SDR42E1: variants seen among roughly 807,000 people sequenced by gnomAD.
The protein encoded by SDR42E1 is short-chain dehydrogenase/reductase family 42E member 1.
In SDR42E1, 5 loss-of-function variants were observed where a neutral mutation model predicts 2.6. That is an observed-to-expected ratio of 1.94 (90% CI 1.01 to 4.08). The LOEUF is 4.08. SDR42E1 is among the 30% of genes most tolerant of loss of function. The pLI, the probability that SDR42E1 is intolerant of heterozygous loss-of-function variation, is 0.00. For missense variants in SDR42E1, 596 were observed against 478.6 expected (o/e 1.25, Z -2.29); for synonymous variants, 231 against 188.3 (o/e 1.23, Z -1.86).
At chr16:82,002,101 T>C (rs147180886) in intron 1 of SDR42E1, among the ~76,000 whole-genome samples, 7 of 152,146 alleles carry the variant, frequency 4.6e-5, no homozygotes, top group African/African-American at 1.7e-4. Context: ...CACCCACGAC[T>C]GCAGCCACTG....
chr16:82,006,733 G>C (rs12444226), intron 1 of SDR42E1, among the ~76,000 whole-genome samples: 4,784 of 152,286 alleles, frequency 0.031, 109 homozygotes, highest in Middle Eastern at 0.051. Flanking sequence ...GATGGAGGTT[G>C]CAGTGAGTGC....
In SDR42E1 at chr16:81,995,917, C is replaced by T. The variant is rs1006609174; in HGVS notation, c.*3194G>A. The T allele has an allele frequency of 6.6e-6, 1 of 152,146 alleles. No individual in the cohort carries two copies. Among genetic ancestry groups the T allele is most frequent in the Non-Finnish European group, 1.5e-5 (1 of 68,042 alleles). 9.4% of individuals were successfully genotyped at this position (152,146 alleles called of 1,614,324 possible). On this transcript the variant is annotated 3_prime_UTR_variant, in exon 3 of 3. Transcript: ENST00000328945. ...TGTAGCATCATTTGTAGCAGGAGCA[C>T]CAATCTTAAATTGCTGGGATCAGTG...
rs1912522203 is a variant in SDR42E1, at chr16:81,995,497, A to C, written c.*3614T>G. 6.6e-6 allele frequency: 1 copy of C among 152,234 alleles called. No individual in the cohort carries two copies. Among genetic ancestry groups the C allele is most frequent in the African/African-American group, 2.4e-5 (1 of 41,458 alleles). 9.4% of individuals were successfully genotyped at this position (152,234 alleles called of 1,614,324 possible). ...GGAGGGAGCACAAATCACTTGGCCC[A>C]CATTCCTTCCCCATTCCCTGACCTC... On this transcript the variant is annotated 3_prime_UTR_variant, in exon 3 of 3. Coordinates refer to ENST00000328945, the MANE Select transcript of SDR42E1 (RefSeq NM_145168.3).
chr16:82,008,546 C>T (rs7196477), intron 1 of SDR42E1, among the ~76,000 whole-genome samples: 3,656 of 152,220 alleles, frequency 0.024, 144 homozygotes, highest in African/African-American at 0.081. Flanking sequence ...AAAAGTGACT[C>T]GTTATGTTTT....
At chr16:82,008,214 A>C (rs1171217961) in intron 1 of SDR42E1, among the ~76,000 whole-genome samples, 1 of 152,224 alleles carries the variant, frequency 6.6e-6, no homozygotes, top group Non-Finnish European at 1.5e-5. Flanking sequence ...TGAGTCCATT[A>C]AACTACTTTC....
chr16:82,001,961 TACACACACACAC>T (rs375862551), intron 1 of SDR42E1, among the ~76,000 whole-genome samples: 10 of 137,286 alleles, frequency 7.3e-5, no homozygotes, highest in South Asian at 2.3e-4. Flanking sequence ...TGGGTGCGTA[TACACACACACAC>T]ACACACACAC....
In SDR42E1 at chr16:81,995,704, TG is replaced by T. The variant is rs766308835; in HGVS notation, c.*3406del. The T allele has an allele frequency of 2.6e-5, 4 of 152,198 alleles. No individual in the cohort carries two copies. Among genetic ancestry groups the T allele is most frequent in the Non-Finnish European group, 4.4e-5 (3 of 68,042 alleles). 9.4% of individuals were successfully genotyped at this position (152,198 alleles called of 1,614,324 possible). Reference sequence around the variant, plus strand: ...GAAAAGAGTGTTCATCCATAGCAGATGGGAAAACAGCATTCATTGGACAAAT... The same window carrying T: ...GAAAAGAGTGTTCATCCATAGCAGATGGAAAACAGCATTCATTGGACAAAT... On this transcript the variant is annotated 3_prime_UTR_variant, in exon 3 of 3. Transcript: ENST00000328945.
intron 1 of SDR42E1, among the ~76,000 whole-genome samples, chr16:82,003,865 T>A (rs995615182): frequency 1.3e-5 from 2 of 152,252 alleles, no homozygotes; most frequent in Admixed American, 1.3e-4. Flanking sequence ...AGATGCTCAA[T>A]AAATATTTGT....
chr16:82,006,363 C>G (rs1490418854), intron 1 of SDR42E1, among the ~76,000 whole-genome samples: 1 of 152,170 alleles, frequency 6.6e-6, no homozygotes, highest in Non-Finnish European at 1.5e-5. Flanking sequence ...CGAAATGGTG[C>G]TGTTCAAATT....
chr16:82,007,267 C>A (rs1912970707), intron 1 of SDR42E1, among the ~76,000 whole-genome samples: 1 of 152,214 alleles, frequency 6.6e-6, no homozygotes, highest in African/African-American at 2.4e-5. Flanking sequence ...CTTGTACTTT[C>A]TTCTTCACTA....
intron 1 of SDR42E1, 28 bp from the exon 2 acceptor site, chr16:82,000,912 A>C: frequency 6.9e-7 from 1 of 1,459,386 alleles, no homozygotes; most frequent in Non-Finnish European, 9.5e-7. Context: ...CATCACTGTT[A>C]CTGATCCAAA....
At chr16:82,001,546 G>GC (rs1237641992) in intron 1 of SDR42E1, among the ~76,000 whole-genome samples, 2 of 151,774 alleles carry the variant, frequency 1.3e-5, no homozygotes, top group African/African-American at 4.8e-5. Flanking sequence ...AGGCTCCAAG[G>GC]CCCCCTTCTC....
At chr16:82,004,898 C>G (rs773508213) in intron 1 of SDR42E1, among the ~76,000 whole-genome samples, 1 of 152,166 alleles carries the variant, frequency 6.6e-6, no homozygotes. Context: ...GAGGTGGCAG[C>G]GTGCTGCACC....
rs1319883926 is a variant in SDR42E1, at chr16:81,992,651, T to G, written c.*6460A>C. Reference sequence around the variant, plus strand: ...ATGAAGAATTTTTTAATTACTTGCATGCTTTAACCAGCTGTTAAAAATAAA... The same window carrying G: ...ATGAAGAATTTTTTAATTACTTGCAGGCTTTAACCAGCTGTTAAAAATAAA... On this transcript the variant is annotated 3_prime_UTR_variant, in exon 3 of 3. Transcript: ENST00000328945. The G allele has an allele frequency of 6.6e-6, 1 of 152,232 alleles. No homozygotes were observed. Among genetic ancestry groups the G allele is most frequent in the Non-Finnish European group, 1.5e-5 (1 of 68,048 alleles). 9.4% of individuals were successfully genotyped at this position (152,232 alleles called of 1,614,324 possible).
rs745850326 is a variant in SDR42E1, at chr16:81,999,315, G to A, written c.978C>T (p.Ser326=). The A allele has an allele frequency of 1.9e-6, 3 of 1,614,188 alleles. No homozygotes were observed. The highest frequency in any genetic ancestry group is 1.3e-5 in the African/African-American group (1 of 75,036). ...VYKTGVTHYF[S]LEKAKKELGY... is the part of the protein sequence containing the mutation. ...CTAGCTCTTTCTTGGCTTTCTCTAA[G>A]CTAAAATAATGTGTGACACCAGTTT... Residue 326 remains serine (S), a synonymous_variant, in exon 3 of 3, where the codon AGC becomes AGT. Transcript: ENST00000328945.
chr16:82,007,954 A>C (rs952505856), intron 1 of SDR42E1: 2 of 152,192 alleles, frequency 1.3e-5, no homozygotes, highest in Non-Finnish European at 2.9e-5. Flanking sequence ...GTCTCCACCC[A>C]AGCCTCTTGT....
chr16:81,999,011 G>T lies in SDR42E1; in HGVS notation c.*100C>A. 2 of 1,273,632 alleles carry T rather than the reference G, an allele frequency of 1.6e-6. No individual in the cohort carries two copies. Among genetic ancestry groups the T allele is most frequent in the Non-Finnish European group, 2.2e-6 (2 of 928,874 alleles). The allele number at this position is 1,273,632 out of a possible 1,614,324, so 78.9% of individuals were successfully genotyped here. A position where few individuals can be genotyped will look rare whatever the true frequency, so the allele number is the denominator to read the frequency against. On this transcript the variant is annotated 3_prime_UTR_variant, in exon 3 of 3. Transcript: ENST00000328945. Reference sequence around the variant, plus strand: ...CTATTCTTAAGTAGCAATTTGAAGAGCCAATGTTTGGCACCAGATATCACT... The same window carrying T: ...CTATTCTTAAGTAGCAATTTGAAGATCCAATGTTTGGCACCAGATATCACT...
In SDR42E1 at chr16:81,994,232, T is replaced by A. The variant is rs1912491794; in HGVS notation, c.*4879A>T. On this transcript the variant is annotated 3_prime_UTR_variant, in exon 3 of 3. Coordinates refer to ENST00000328945, the MANE Select transcript of SDR42E1 (RefSeq NM_145168.3). ...TGTAGTCACCAGGACCTCCTCCCTCTCCATTTTTTGGCTCTTCTTAACACA... is the reference window on the plus strand; with the variant it reads ...TGTAGTCACCAGGACCTCCTCCCTCACCATTTTTTGGCTCTTCTTAACACA... The A allele has an allele frequency of 6.6e-6, 1 of 152,180 alleles. No homozygotes were observed. Among genetic ancestry groups the A allele is most frequent in the Non-Finnish European group, 1.5e-5 (1 of 68,066 alleles). 9.4% of individuals were successfully genotyped at this position (152,180 alleles called of 1,614,324 possible).
In SDR42E1 at chr16:81,998,766, C is replaced by A. The variant is rs562130723; in HGVS notation, c.*345G>T. The A allele has an allele frequency of 4.0e-6, 1 of 252,028 alleles. No individual in the cohort carries two copies. Among genetic ancestry groups the A allele is most frequent in the East Asian group, 1.0e-4 (1 of 9,690 alleles). The allele number at this position is 252,028 out of a possible 1,614,324, so 15.6% of individuals were successfully genotyped here. On this transcript the variant is annotated 3_prime_UTR_variant, in exon 3 of 3. Coordinates refer to ENST00000328945, the MANE Select transcript of SDR42E1 (RefSeq NM_145168.3). The stretch of plus-strand genomic sequence containing the variant: ...AGAGGTTTTAGGTAGATGCAGACTG[C>A]ATAAAATGGAAATAAGTATATCTTG...
Sources: gnomAD v4.1 joint callset for allele counts (sites outside exome capture counted in the v4.1 genomes callset) on GRCh38, gnomAD v4.1.1 for gene constraint, MANE v1.5 for transcripts, NCBI Gene and HGNC (gene_info 2026-07-23, HGNC 2026-07-21) for gene names.